MAPK6: variants seen among roughly 807,000 people sequenced by gnomAD.
MAPK6 encodes mitogen-activated protein kinase 6, also known as ERK-3.
A neutral mutation model predicts 59.3 loss-of-function variants in MAPK6; 19 were observed. The observed-to-expected ratio is 0.32, with a 90% confidence interval of 0.22 to 0.47. The LOEUF (loss-of-function observed/expected upper bound fraction) is 0.47. MAPK6 is among the 20% of genes least tolerant of loss of function. The probability of loss-of-function intolerance (pLI) is 1.00; values close to 1 mark genes in which losing one functional copy is unlikely to be tolerated. For missense variants in MAPK6, 724 were observed against 847.9 expected (o/e 0.85, Z 1.81); for synonymous variants, 316 against 290.3 (o/e 1.09, Z -0.90).
chr15:52,064,304 A>G lies in MAPK6; in HGVS notation c.1470A>G (p.Lys490=), dbSNP rs936115238. 3.1e-6 allele frequency: 5 copies of G among 1,610,066 alleles called. No individual in the cohort carries two copies. The African/African-American group carries it at 6.7e-5, about 22-fold the overall frequency. The part of the protein sequence containing the change: ...KEQSKEKSDK[K]GKSKCERNGL... ...AAAGCAAAGAAAAATCTGATAAGAA[A>G]GGCAAATCAAAATGTGAAAGGAATG... Residue 490 remains lysine, a synonymous_variant, in exon 6 of 6, where the codon AAA becomes AAG. Transcript: ENST00000261845.
chr15:52,064,665 T>A lies in MAPK6; in HGVS notation c.1831T>A (p.Cys611Ser). 1.2e-6 allele frequency: 2 copies of A among 1,611,902 alleles called. No individual in the cohort carries two copies. Among genetic ancestry groups the A allele is most frequent in the Non-Finnish European group, 1.7e-6 (2 of 1,179,794 alleles). Residue 611 changes from cysteine to serine, a missense_variant, in exon 6 of 6, where the codon TGT (cysteine) becomes AGT (serine). Cys to Ser is a moderately radical substitution (Grantham distance 112). This residue lies in a region of MAPK6 where 502 missense variants were observed against 507.6 expected (regional missense o/e 0.99). Coordinates refer to ENST00000261845, the MANE Select transcript of MAPK6 (RefSeq NM_002748.4). Reference sequence around the variant, plus strand: ...GGACTGTTTTTTCATAAATCAGTTTTGTGAGGTAAGGAAGGATGAACAAGT... The same window carrying A: ...GGACTGTTTTTTCATAAATCAGTTTAGTGAGGTAAGGAAGGATGAACAAGT... Reference protein sequence around the residue: ...GEDCFFINQFCEVRKDEQVEK... With the variant: ...GEDCFFINQFSEVRKDEQVEK...
Position 52,019,222 on chromosome 15 carries a change from C to T in MAPK6, c.-786C>T, listed in dbSNP as rs930356295. 1.3e-5 allele frequency: 2 copies of T among 152,102 alleles called. No individual in the cohort carries two copies. Among genetic ancestry groups the T allele is most frequent in the African/African-American group, 2.4e-5 (1 of 41,404 alleles). The allele number at this position is 152,102 out of a possible 1,614,324, so 9.4% of individuals were successfully genotyped here. ...GCACCGCGAAGCCCCGCCCCCTCTT[C>T]CTCGCCCTCTCTCGCGGGTCGGGGT... On this transcript the variant is annotated 5_prime_UTR_variant, in exon 1 of 6. Transcript: ENST00000261845.
intron 3 of MAPK6, among the ~76,000 whole-genome samples, chr15:52,010,506 C>A (rs1044452187): frequency 6.7e-6 from 1 of 148,836 alleles, no homozygotes; most frequent in Admixed American, 6.8e-5. Context: ...TGAGCCATTG[C>A]ACCCAGCCTT....
At chr15:52,032,110 A>G (rs1278670770) in intron 1 of MAPK6, among the ~76,000 whole-genome samples, 1 of 151,240 alleles carries the variant, frequency 6.6e-6, no homozygotes, top group African/African-American at 2.4e-5. Flanking sequence ...TCCTGACCTC[A>G]TGATCCGCCT....
intron 1 of MAPK6, among the ~76,000 whole-genome samples, chr15:51,977,192 G>A (rs140236656): frequency 5.3e-5 from 8 of 151,388 alleles, no homozygotes; most frequent in South Asian, 2.1e-4. Flanking sequence ...TGGTAGAGAC[G>A]GGATTTCACC....
chr15:52,029,793 C>T (rs924870750), intron 1 of MAPK6, among the ~76,000 whole-genome samples: 2 of 152,100 alleles, frequency 1.3e-5, no homozygotes, highest in African/African-American at 4.8e-5. Context: ...TTATTTCTGC[C>T]ACCTTAGTCT....
At chr15:51,984,788 C>T (rs2057185753) in intron 2 of MAPK6, among the ~76,000 whole-genome samples, 1 of 108,758 alleles carries the variant, frequency 9.2e-6, no homozygotes, top group Admixed American at 9.5e-5. Flanking sequence ...TTATTGTACA[C>T]ACTTGGGAAG....
Position 52,062,803 on chromosome 15 carries a change from A to G in MAPK6, c.1068-1099A>G, listed in dbSNP as rs527926123. ...AATACATTTCTGGGGAAGTTTAGAT[A>G]TAATTCTGCTTCAGAGTAGGATGGT... is the stretch of plus-strand genomic sequence containing the variant. On this transcript the variant is annotated intron_variant, in intron 5 of 5. Coordinates refer to ENST00000261845, the MANE Select transcript of MAPK6 (RefSeq NM_002748.4). Among the ~76,000 whole-genome samples the G allele has an allele frequency of 1.7e-4, 26 of 152,282 alleles. No individual in the cohort carries two copies. The South Asian group carries it at 4.8e-3, about 28-fold the overall frequency.
chr15:51,993,154 A>G (rs985968009), intron 2 of MAPK6, among the ~76,000 whole-genome samples: 4 of 152,188 alleles, frequency 2.6e-5, no homozygotes, highest in Non-Finnish European at 5.9e-5. Flanking sequence ...AAGTTACCTC[A>G]TTAGAAAAAG....
At chr15:52,019,951 C>T (rs1196420773) in intron 1 of MAPK6, 1 of 152,862 alleles carries the variant, frequency 6.5e-6, no homozygotes, top group African/African-American at 2.4e-5. Flanking sequence ...GCAAAGTCTC[C>T]AGTGGCGTAG....
intron 5 of MAPK6, among the ~76,000 whole-genome samples, chr15:52,063,466 A>G (rs1391344769): frequency 6.6e-6 from 1 of 152,188 alleles, no homozygotes; most frequent in South Asian, 2.1e-4. Flanking sequence ...GCACGTATAC[A>G]CAGGGAGATT....
chr15:51,981,485 A>C (rs1595956729), intron 1 of MAPK6, among the ~76,000 whole-genome samples: 1 of 149,528 alleles, frequency 6.7e-6, no homozygotes, highest in East Asian at 2.0e-4. Context: ...AAAAAAAAAG[A>C]AAAAGAAAAA....
intron 1 of MAPK6, among the ~76,000 whole-genome samples, chr15:51,982,594 G>A (rs1250888208): frequency 6.6e-6 from 1 of 152,054 alleles, no homozygotes; most frequent in African/African-American, 2.4e-5. Flanking sequence ...TAGATAAGAG[G>A]AGACTTGAAG....
At chr15:52,016,302 T>C (rs1595971368), upstream of MAPK6, among the ~76,000 whole-genome samples, 3 of 151,180 alleles carry the variant, frequency 2.0e-5, no homozygotes, top group South Asian at 2.1e-4. Flanking sequence ...CACAGGAGAA[T>C]TGCTTGAACC....
intron 2 of MAPK6, among the ~76,000 whole-genome samples, chr15:51,995,384 T>C (rs1279279733): frequency 6.6e-6 from 1 of 152,210 alleles, no homozygotes; most frequent in African/African-American, 2.4e-5. Flanking sequence ...TGATGACTGA[T>C]TGCTGTCTGC....
chr15:52,057,831 C>T (rs181431840), intron 3 of MAPK6, among the ~76,000 whole-genome samples: 2 of 152,294 alleles, frequency 1.3e-5, no homozygotes, highest in East Asian at 1.9e-4. Flanking sequence ...TTAGCTTACT[C>T]TCTTTTTCTT....
At chr15:52,053,070 GTT>G (rs140172832) in intron 3 of MAPK6, among the ~76,000 whole-genome samples, 46 of 125,324 alleles carry the variant, frequency 3.7e-4, no homozygotes, top group African/African-American at 1.3e-3. Context: ...TCTCATTGTG[GTT>G]TTTTTTTTTT....
In MAPK6 at chr15:52,065,408, CAT is replaced by C. The variant is rs1308991880; in HGVS notation, c.*410_*411del. ...CATTCATGAATATTTTCAAGTTTTT[CAT>C]ACTGTACACATTTCTTAAAACACAT... On this transcript the variant is annotated 3_prime_UTR_variant, in exon 6 of 6. Transcript: ENST00000261845. 6.4e-6 allele frequency: 1 copy of C among 157,006 alleles called. No homozygotes were observed. Among genetic ancestry groups the C allele is most frequent in the Non-Finnish European group, 1.4e-5 (1 of 71,034 alleles). The allele number at this position is 157,006 out of a possible 1,614,324, so 9.7% of individuals were successfully genotyped here. A position where few individuals can be genotyped will look rare whatever the true frequency, so the allele number is the denominator to read the frequency against.
At chr15:52,035,464 A>T (rs1382391812) in intron 1 of MAPK6, 1 of 152,128 alleles carries the variant, frequency 6.6e-6, no homozygotes, top group East Asian at 1.9e-4. Context: ...GTGAAACTAA[A>T]AATACAAAAA....
Sources: gnomAD v4.1 joint callset for allele counts (sites outside exome capture counted in the v4.1 genomes callset) on GRCh38, gnomAD v4.1.1 for gene constraint, gnomAD v4.1.1 regional missense constraint, MANE v1.5 for transcripts, NCBI Gene and HGNC (gene_info 2026-07-23, HGNC 2026-07-21) for gene names.